KCND2: variants seen among roughly 807,000 people sequenced by gnomAD.
KCND2 encodes A-type voltage-gated potassium channel KCND2.
KCND2 carries 16 observed loss-of-function variants against 54.4 expected under a neutral mutation model. That is an observed-to-expected ratio of 0.29 (90% CI 0.20 to 0.45). The LOEUF is 0.45. Ranked by LOEUF, KCND2 falls within the 20% of genes least tolerant of loss-of-function variation. The pLI is 1.00. For synonymous variants in KCND2, 317 were observed against 310.7 expected (o/e 1.02, Z -0.21); for missense variants, 486 against 824.2 (o/e 0.59, Z 5.02).
intron 1 of KCND2, among the ~76,000 whole-genome samples, chr7:120,372,052 AGATACCTGTTG>A (rs912307165): frequency 6.6e-6 from 1 of 151,972 alleles, no homozygotes; most frequent in African/African-American, 2.4e-5. Flanking sequence ...ATAGGAGTGC[AGATACCTGTTG>A]GACATACTGA....
At chr7:120,378,513 A>G (rs1800867321) in intron 1 of KCND2, among the ~76,000 whole-genome samples, 1 of 151,954 alleles carries the variant, frequency 6.6e-6, no homozygotes, top group African/African-American at 2.4e-5. Context: ...TTCCCCAGTG[A>G]CACCTACTGT....
chr7:120,398,365 G>A (rs921671978), intron 1 of KCND2, among the ~76,000 whole-genome samples: 1 of 151,916 alleles, frequency 6.6e-6, no homozygotes, highest in Admixed American at 6.6e-5. Flanking sequence ...TATTTACTGA[G>A]CACCTACTAT....
At chr7:120,301,829 T>C (rs560023715) in intron 1 of KCND2, among the ~76,000 whole-genome samples, 10 of 152,262 alleles carry the variant, frequency 6.6e-5, no homozygotes, top group African/African-American at 2.2e-4. Context: ...ATACTTTTCC[T>C]GACATCGTTT....
chr7:120,409,675 C>T (rs1801419424), intron 1 of KCND2, among the ~76,000 whole-genome samples: 1 of 151,568 alleles, frequency 6.6e-6, no homozygotes, highest in Non-Finnish European at 1.5e-5. Flanking sequence ...GTTTTTTGGC[C>T]ATACTTTTTT....
At chr7:120,492,970 G>A (rs978145085) in intron 1 of KCND2, among the ~76,000 whole-genome samples, 4 of 151,892 alleles carry the variant, frequency 2.6e-5, no homozygotes, top group Non-Finnish European at 4.4e-5. Context: ...CCATTGTAAA[G>A]TCAAAAAACT....
intron 1 of KCND2, among the ~76,000 whole-genome samples, chr7:120,653,627 AG>A (rs1791766331): frequency 6.6e-6 from 1 of 152,194 alleles, no homozygotes; most frequent in Non-Finnish European, 1.5e-5. Context: ...TCTTTAAAGG[AG>A]GAACAATAAT....
intron 1 of KCND2, among the ~76,000 whole-genome samples, chr7:120,507,058 G>T (rs946724822): frequency 1.3e-5 from 2 of 151,720 alleles, no homozygotes; most frequent in African/African-American, 4.8e-5. Flanking sequence ...AGTTAATTTA[G>T]TCAGTTCAGT....
intron 1 of KCND2, among the ~76,000 whole-genome samples, chr7:120,528,003 T>A (rs1791797672): frequency 1.3e-5 from 2 of 152,186 alleles, no homozygotes; most frequent in South Asian, 4.1e-4. Flanking sequence ...AGTACATTTT[T>A]AAAATGTAGT....
chr7:120,499,190 G>A (rs1290453936), intron 1 of KCND2, among the ~76,000 whole-genome samples: 1 of 152,068 alleles, frequency 6.6e-6, no homozygotes, highest in Non-Finnish European at 1.5e-5. Flanking sequence ...ATTATATACA[G>A]AACTGTATTT....
At chr7:120,660,457 C>T (rs1387986761) in intron 1 of KCND2, among the ~76,000 whole-genome samples, 1 of 152,180 alleles carries the variant, frequency 6.6e-6, no homozygotes, top group Non-Finnish European at 1.5e-5. Flanking sequence ...TTATTACCTC[C>T]TATTTCTTTC....
At chr7:120,598,386 A>G (rs1792773307) in intron 1 of KCND2, among the ~76,000 whole-genome samples, 1 of 152,182 alleles carries the variant, frequency 6.6e-6, no homozygotes, top group African/African-American at 2.4e-5. Flanking sequence ...GGGAAGAAAC[A>G]TGGTTTATGT....
chr7:120,672,132 C>A (rs1792000453), intron 1 of KCND2, among the ~76,000 whole-genome samples: 1 of 152,010 alleles, frequency 6.6e-6, no homozygotes, highest in African/African-American at 2.4e-5. Flanking sequence ...TATGTTCAAC[C>A]TACTTCTGTT....
chr7:120,578,830 A>G (rs927266834), intron 1 of KCND2, among the ~76,000 whole-genome samples: 19 of 151,862 alleles, frequency 1.3e-4, no homozygotes, highest in African/African-American at 4.1e-4. Context: ...GCACCATTGC[A>G]CTCCAGCCTG....
intron 1 of KCND2, among the ~76,000 whole-genome samples, chr7:120,466,509 C>T (rs1802371798): frequency 6.6e-6 from 1 of 152,062 alleles, no homozygotes; most frequent in Admixed American, 6.6e-5. Context: ...GTCCTGGATC[C>T]CAGCCTTTCT....
At chr7:120,539,204 CAT>C (rs1203519198) in intron 1 of KCND2, among the ~76,000 whole-genome samples, 27 of 152,086 alleles carry the variant, frequency 1.8e-4, no homozygotes, top group Non-Finnish European at 4.4e-5. Flanking sequence ...CATATGCATA[CAT>C]ATTTATACTT....
intron 1 of KCND2, among the ~76,000 whole-genome samples, chr7:120,515,158 C>A (rs1183776793): frequency 6.6e-6 from 1 of 151,996 alleles, no homozygotes; most frequent in African/African-American, 2.4e-5. Context: ...GCCCAGTTGA[C>A]CTATTCATCT....
chr7:120,515,294 C>T (rs1803180126), intron 1 of KCND2, among the ~76,000 whole-genome samples: 1 of 152,052 alleles, frequency 6.6e-6, no homozygotes, highest in Non-Finnish European at 1.5e-5. Flanking sequence ...TTGTGAAGCC[C>T]TCCCTGATCT....
chr7:120,586,817 C>G (rs1284157768), intron 1 of KCND2, among the ~76,000 whole-genome samples: 1 of 152,082 alleles, frequency 6.6e-6, no homozygotes, highest in African/African-American at 2.4e-5. Context: ...TTCATTTAGA[C>G]TAGAACTACC....
chr7:120,549,763 C>G (rs1792084260), intron 1 of KCND2, among the ~76,000 whole-genome samples: 1 of 152,004 alleles, frequency 6.6e-6, no homozygotes, highest in Non-Finnish European at 1.5e-5. Flanking sequence ...CCGATTAGAT[C>G]CCATTAGCAT....
Sources: gnomAD v4.1 joint callset for allele counts (sites outside exome capture counted in the v4.1 genomes callset) on GRCh38, gnomAD v4.1.1 for gene constraint, MANE v1.5 for transcripts, NCBI Gene and HGNC (gene_info 2026-07-23, HGNC 2026-07-21) for gene names.